The following DRC11 variants were observed in gnomAD, a reference collection of about 807,000 sequenced individuals.
DRC11 encodes dynein regulatory complex subunit 11.
the DRC11 span, among the ~76,000 whole-genome samples, chr2:236,312,395 A>G: frequency 1.1e-4 from 16 of 152,272 alleles, no homozygotes; most frequent in Non-Finnish European, 5.9e-5. Context: ...TGTATTACAT[A>G]GGAAAAGCCT....
the DRC11 span, among the ~76,000 whole-genome samples, chr2:236,435,324 A>G: frequency 3.3e-5 from 5 of 152,352 alleles, no homozygotes; most frequent in South Asian, 1.0e-3. Context: ...GGGTCAGCAA[A>G]TTATGGCACA....
the DRC11 span, among the ~76,000 whole-genome samples, chr2:236,404,947 C>A: frequency 1.3e-5 from 2 of 152,182 alleles, no homozygotes; most frequent in African/African-American, 4.8e-5. Context: ...CATGTCTTCA[C>A]TCCGCGGAAG....
chr2:236,392,396 A>G, the DRC11 span: 1 of 1,070,096 alleles, frequency 9.3e-7, no homozygotes, highest in Non-Finnish European at 1.3e-6. This position sits in a 1 kb window ranked among gnomAD's most constrained non-coding sequence, Gnocchi z 5.1. Flanking sequence ...AAAATTTTAA[A>G]AAGATATAGG....
the DRC11 span, among the ~76,000 whole-genome samples, chr2:236,357,100 G>A: frequency 1.7e-3 from 186 of 108,552 alleles, 3 homozygotes; most frequent in African/African-American, 3.4e-3. Context: ...TTATATATTC[G>A]TATATTATAT....
chr2:236,388,141 TG>T, the DRC11 span, among the ~76,000 whole-genome samples: 1 of 152,162 alleles, frequency 6.6e-6, no homozygotes, highest in Non-Finnish European at 1.5e-5. Flanking sequence ...TTATGTGTCT[TG>T]GAGTTGCTCT....
chr2:236,462,958 A>G, the DRC11 span, among the ~76,000 whole-genome samples: 3 of 152,014 alleles, frequency 2.0e-5, no homozygotes, highest in Admixed American at 2.0e-4. This position sits in a 1 kb window ranked among gnomAD's most constrained non-coding sequence, Gnocchi z 6.4. Context: ...AAAATTATTT[A>G]TTTATTGTCT....
At chr2:236,408,933 T>C in the DRC11 span, 2 of 680,858 alleles carry the variant, frequency 2.9e-6, no homozygotes, top group Non-Finnish European at 5.5e-6. The surrounding 1 kb of genome is among the most constrained non-coding windows in gnomAD (Gnocchi z 5.5). Flanking sequence ...GCCAACCTTG[T>C]ATCCCAGGAA....
chr2:236,491,219 G>GTATATATATATATATATCTACACACAGTA, the DRC11 span, among the ~76,000 whole-genome samples: 1 of 19,566 alleles, frequency 5.1e-5, no homozygotes, highest in East Asian at 1.0e-3. Flanking sequence ...TATACACACA[G>GTATATATATATATATATCTACACACAGTA]TATATATATA....
At chr2:236,314,548 TG>T in the DRC11 span, among the ~76,000 whole-genome samples, 1 of 152,210 alleles carries the variant, frequency 6.6e-6, no homozygotes, top group South Asian at 2.1e-4. This position sits in a 1 kb window ranked among gnomAD's most constrained non-coding sequence, Gnocchi z 4.5. Context: ...AATATGCCTA[TG>T]GACGTTTAAA....
chr2:236,496,827 A>T, the DRC11 span, among the ~76,000 whole-genome samples: 18 of 152,270 alleles, frequency 1.2e-4, no homozygotes, highest in Non-Finnish European at 1.5e-5. The surrounding 1 kb of genome is among the most constrained non-coding windows in gnomAD (Gnocchi z 6.3). Context: ...CTGCTACTGG[A>T]TGCTGGGAGG....
the DRC11 span, among the ~76,000 whole-genome samples, chr2:236,429,844 C>A: frequency 7.2e-4 from 110 of 152,202 alleles, no homozygotes; most frequent in African/African-American, 2.5e-3. This position sits in a 1 kb window ranked among gnomAD's most constrained non-coding sequence, Gnocchi z 5.9. Flanking sequence ...ATGCAGTGTC[C>A]TCAGTGGTGA....
chr2:236,422,525 C>T, the DRC11 span, among the ~76,000 whole-genome samples: 1 of 152,160 alleles, frequency 6.6e-6, no homozygotes, highest in Non-Finnish European at 1.5e-5. Flanking sequence ...AGGAGAACTA[C>T]AAACCACTGC....
the DRC11 span, among the ~76,000 whole-genome samples, chr2:236,376,075 CTT>C: frequency 6.6e-6 from 1 of 152,222 alleles, no homozygotes; most frequent in Non-Finnish European, 1.5e-5. The surrounding 1 kb of genome is among the most constrained non-coding windows in gnomAD (Gnocchi z 5.7). Context: ...CAGGATTAAA[CTT>C]AACCTCACCA....
the DRC11 span, among the ~76,000 whole-genome samples, chr2:236,311,697 C>CGTGCGTGT: frequency 2.7e-3 from 380 of 138,796 alleles, 1 homozygote; most frequent in African/African-American, 9.1e-3. This position sits in a 1 kb window ranked among gnomAD's most constrained non-coding sequence, Gnocchi z 6.9. Context: ...GGATGGGGTG[C>CGTGCGTGT]GTGTGTGTGT....
chr2:236,343,048 G>C, the DRC11 span, among the ~76,000 whole-genome samples: 1 of 152,160 alleles, frequency 6.6e-6, no homozygotes, highest in Admixed American at 6.5e-5. The surrounding 1 kb of genome is among the most constrained non-coding windows in gnomAD (Gnocchi z 6.6). Flanking sequence ...GTGCTGAGAG[G>C]TTCGCTCTGT....
At chr2:236,460,878 C>A in the DRC11 span, among the ~76,000 whole-genome samples, 3 of 152,152 alleles carry the variant, frequency 2.0e-5, no homozygotes, top group Admixed American at 6.5e-5. This position sits in a 1 kb window ranked among gnomAD's most constrained non-coding sequence, Gnocchi z 4.0. Context: ...CTTCAACCTC[C>A]CGAGTAGCTG....
chr2:236,310,326 C>T, the DRC11 span, among the ~76,000 whole-genome samples: 3 of 152,180 alleles, frequency 2.0e-5, no homozygotes, highest in Non-Finnish European at 2.9e-5. The surrounding 1 kb of genome is among the most constrained non-coding windows in gnomAD (Gnocchi z 5.5). Flanking sequence ...AGAAGAAACT[C>T]AGCCCTGGCA....
At chr2:236,495,843 C>A in the DRC11 span, among the ~76,000 whole-genome samples, 7 of 152,158 alleles carry the variant, frequency 4.6e-5, no homozygotes, top group Non-Finnish European at 8.8e-5. This position sits in a 1 kb window ranked among gnomAD's most constrained non-coding sequence, Gnocchi z 5.6. Context: ...ATGCCATCTG[C>A]TCATTTGTCA....
chr2:236,344,521 A>T, the DRC11 span: 1 of 1,519,782 alleles, frequency 6.6e-7, no homozygotes, highest in Non-Finnish European at 9.1e-7. Flanking sequence ...TTTGGAGGAA[A>T]GAAAAGGCAA....
Sources: allele counts gnomAD v4.1 joint callset (sites outside exome capture counted in the v4.1 genomes callset), GRCh38; gene constraint gnomAD v4.1.1; non-coding constraint Gnocchi (gnomAD v3.1); transcripts MANE v1.5; gene names NCBI Gene and HGNC (gene_info 2026-07-23, HGNC 2026-07-21).